Variants in NETO1 observed in about 807,000 individuals in gnomAD.
NETO1 encodes the protein neuropilin and tolloid-like protein 1.
NETO1 carries 26 observed loss-of-function variants against 61.3 expected under a neutral mutation model. That is an observed-to-expected ratio of 0.42 (90% CI 0.31 to 0.59). The LOEUF is 0.59. Ranked by LOEUF, NETO1 falls within the 20% of genes least tolerant of loss-of-function variation. The pLI, the probability that NETO1 is intolerant of heterozygous loss-of-function variation, is 0.12. For missense variants in NETO1, 531 were observed against 662.8 expected, an observed-to-expected ratio of 0.80 and a Z score of 2.18; for synonymous variants, 225 against 225.8, an observed-to-expected ratio of 1.00 and a Z score of 0.03.
intron 4 of NETO1, among the ~76,000 whole-genome samples, chr18:72,817,789 CTGTT>C (rs1278502413): frequency 6.6e-6 from 1 of 152,212 alleles, no homozygotes; most frequent in Admixed American, 6.5e-5. Context: ...CTTTCTCTGT[CTGTT>C]TCTGTCTGTC....
At chr18:72,781,213 T>C (rs2071725959) in intron 7 of NETO1, among the ~76,000 whole-genome samples, 2 of 152,202 alleles carry the variant, frequency 1.3e-5, no homozygotes, top group South Asian at 4.1e-4. Flanking sequence ...TCATTTAATA[T>C]ATTAGCTTGC....
Position 72,750,594 on chromosome 18 carries a change from G to T in NETO1, c.1009C>A (p.Gln337Lys). The change falls in exon 9 of 11, where the codon CAG becomes AAG. Residue 337 changes from glutamine (Q) to lysine (K), a missense_variant. Transcript: ENST00000327305. The part of the protein sequence containing the change: ...KEKRKTSLLD[Q>K]LTNTSGTVIG... ...ACAGTCCCACTGGTGTTGGTCAGCT[G>T]GTCCAGCAGGCTGGTTTTCCTCTTC... The T allele has an allele frequency of 6.2e-7, 1 of 1,607,704 alleles. No homozygotes were observed.
intron 4 of NETO1, among the ~76,000 whole-genome samples, chr18:72,857,505 A>G (rs1026096769): frequency 6.6e-5 from 10 of 152,212 alleles, no homozygotes; most frequent in African/African-American, 2.4e-4. Flanking sequence ...TATTTTCATG[A>G]TCACCAAAAC....
At chr18:72,771,162 A>G (rs1236654452) in intron 7 of NETO1, among the ~76,000 whole-genome samples, 1 of 152,168 alleles carries the variant, frequency 6.6e-6, no homozygotes, top group Non-Finnish European at 1.5e-5. Context: ...TCCAAGACAG[A>G]ATGAAAATTA....
intron 6 of NETO1, among the ~76,000 whole-genome samples, chr18:72,793,666 C>G (rs1369338739): frequency 6.6e-6 from 1 of 152,104 alleles, no homozygotes; most frequent in Non-Finnish European, 1.5e-5. Flanking sequence ...GCCCTGTTAC[C>G]ATTGCTGCCA....
rs937295327 is a variant in NETO1 at position 72,835,382 on chromosome 18, T to C, written c.469+23444A>G. On this transcript the variant is annotated intron_variant, in intron 4 of 10. Transcript: ENST00000327305. The stretch of plus-strand genomic sequence containing the variant: ...CCAGTATATGATCAGGCATGAATTG[T>C]AGGAAGTCCACTTTAACAGCTGTTT... The C allele has an allele frequency of 4.2e-6, 6 of 1,416,274 alleles. No individual in the cohort carries two copies. The African/African-American group carries it at 7.0e-5, about 17-fold the overall frequency. The allele number at this position is 1,416,274 out of a possible 1,614,324, so 87.7% of individuals were successfully genotyped here. A position where few individuals can be genotyped will look rare whatever the true frequency, so the allele number is the denominator to read the frequency against.
intron 4 of NETO1, among the ~76,000 whole-genome samples, chr18:72,840,371 G>A (rs2073891567): frequency 6.6e-6 from 1 of 152,204 alleles, no homozygotes; most frequent in African/African-American, 2.4e-5. Context: ...GGGCAGTTAG[G>A]TGACCTAGCC....
At chr18:72,757,176 C>T (rs565917130) in intron 7 of NETO1, among the ~76,000 whole-genome samples, 177 of 151,974 alleles carry the variant, frequency 1.2e-3, no homozygotes, top group African/African-American at 3.9e-3. Flanking sequence ...TATGAATTTC[C>T]AATGATTGAC....
At chr18:72,842,798 G>A (rs1431386556) in intron 4 of NETO1, among the ~76,000 whole-genome samples, 3 of 152,086 alleles carry the variant, frequency 2.0e-5, no homozygotes, top group Non-Finnish European at 4.4e-5. Context: ...GCAATAATAC[G>A]TCATAGGTAT....
At chr18:72,787,903 CAAAGCA>C (rs2071976332) in intron 6 of NETO1, among the ~76,000 whole-genome samples, 1 of 151,964 alleles carries the variant, frequency 6.6e-6, no homozygotes, top group South Asian at 2.1e-4. Flanking sequence ...AATAAATAAG[CAAAGCA>C]AAACTATCCA....
At chr18:72,755,697 C>A (rs1441669628) in intron 8 of NETO1, among the ~76,000 whole-genome samples, 2 of 152,086 alleles carry the variant, frequency 1.3e-5, no homozygotes, top group East Asian at 1.9e-4. Flanking sequence ...ATGAATGAGA[C>A]GTGTAGCCAC....
chr18:72,859,348 A>G (rs1044337156), intron 3 of NETO1, among the ~76,000 whole-genome samples: 5 of 152,236 alleles, frequency 3.3e-5, no homozygotes, highest in Non-Finnish European at 7.3e-5. Flanking sequence ...AACAAAGCAC[A>G]GTATTTTTAT....
intron 4 of NETO1, among the ~76,000 whole-genome samples, chr18:72,851,988 T>C (rs1393155547): frequency 6.6e-6 from 1 of 152,126 alleles, no homozygotes; most frequent in African/African-American, 2.4e-5. Flanking sequence ...AGTAGAAAGG[T>C]TGAAGGAAAT....
chr18:72,748,049 G>C lies in NETO1; in HGVS notation c.*130C>G. 1.3e-6 allele frequency: 1 copy of C among 742,478 alleles called. No homozygotes were observed. The highest frequency in any genetic ancestry group is 1.6e-6 in the Non-Finnish European group (1 of 608,088). 46.0% of individuals were successfully genotyped at this position (742,478 alleles called of 1,614,324 possible). ...CTTGCCGAAGGAATAACAAATGTCT[G>C]TAATTCTTAAGTTTGGATAAAGGCA... On this transcript the variant is annotated 3_prime_UTR_variant, in exon 11 of 11. Coordinates refer to ENST00000327305, the MANE Select transcript of NETO1 (RefSeq NM_138966.5).
intron 4 of NETO1, among the ~76,000 whole-genome samples, chr18:72,827,803 C>T (rs1241251423): frequency 6.6e-6 from 1 of 151,854 alleles, no homozygotes; most frequent in South Asian, 2.1e-4. Context: ...GGGACAGTTG[C>T]TCTGACTTAC....
chr18:72,794,087 G>A lies in NETO1; in HGVS notation c.639+30C>T, dbSNP rs17086312. On this transcript the variant is annotated intron_variant, in intron 6 of 10. Transcript: ENST00000327305. ...TTATAGACACTTCTCAACGTCAGCT[G>A]TCAAGTGTGGGTTTCATCTTAAGAC... is the stretch of plus-strand genomic sequence containing the variant. 1.9e-6 allele frequency: 3 copies of A among 1,613,974 alleles called. No individual in the cohort carries two copies. The East Asian group carries it at 6.7e-5, about 36-fold the overall frequency.
chr18:72,841,711 G>A (rs2073936113), intron 4 of NETO1, among the ~76,000 whole-genome samples: 1 of 109,178 alleles, frequency 9.2e-6, no homozygotes, highest in Admixed American at 1.4e-4. Flanking sequence ...TCCAGCCTGG[G>A]AGACAGAGTG....
At position 72,867,776 on chromosome 18, in the gene NETO1, GGGC is replaced by G. The variant is rs1296666637; in HGVS notation, c.-488_-486del. Reference sequence around the variant, plus strand: ...TCCAGACCGACGGCAGCGACGGAGCGGGCGGCGGCGGCGGCGCCGGCGGCGGCG... The same window carrying G: ...TCCAGACCGACGGCAGCGACGGAGCGGGCGGCGGCGGCGCCGGCGGCGGCG... On this transcript the variant is annotated 5_prime_UTR_variant, in exon 1 of 11. Transcript: ENST00000327305. 37 of 157,008 alleles carry G rather than the reference GGGC, an allele frequency of 2.4e-4. No individual in the cohort carries two copies. Among genetic ancestry groups the G allele is most frequent in the Middle Eastern group, 3.1e-3 (1 of 320 alleles). 9.7% of individuals were successfully genotyped at this position (157,008 alleles called of 1,614,324 possible).
intron 3 of NETO1, among the ~76,000 whole-genome samples, chr18:72,860,086 C>T (rs12456301): frequency 0.3 from 46,262 of 152,048 alleles, 7,616 homozygotes; most frequent in East Asian, 0.67. Context: ...TCCCCTGGTA[C>T]GTCCAAAACA....
Sources: allele counts gnomAD v4.1 joint callset (sites outside exome capture counted in the v4.1 genomes callset), GRCh38; gene constraint gnomAD v4.1.1; transcripts MANE v1.5; gene names NCBI Gene and HGNC (gene_info 2026-07-23, HGNC 2026-07-21).